NMNAT1: variants seen among roughly 807,000 people sequenced by gnomAD.
NMNAT1 encodes nicotinamide/nicotinic acid mononucleotide adenylyltransferase 1.
A neutral mutation model predicts 16.7 loss-of-function variants in NMNAT1; 11 were observed. That is an observed-to-expected ratio of 0.66 (90% CI 0.41 to 1.09). NMNAT1 has a LOEUF of 1.09. Among genes scored for constraint, NMNAT1 ranks in the 50% least tolerant of loss-of-function variants. The pLI is 0.00. For missense variants in NMNAT1, 280 were observed against 332.3 expected (o/e 0.84, Z 1.22); for synonymous variants, 110 against 119.8 (o/e 0.92, Z 0.53).
At chr1:9,989,043 C>G (rs1196177550), downstream of NMNAT1, among the ~76,000 whole-genome samples, 11 of 152,122 alleles carry the variant, frequency 7.2e-5, no homozygotes. Context: ...CCAATGAGGG[C>G]TCCCCACCTG....
chr1:9,949,273 A>G (rs1641052000), intron 1 of NMNAT1, among the ~76,000 whole-genome samples: 1 of 151,846 alleles, frequency 6.6e-6, no homozygotes, highest in Non-Finnish European at 1.5e-5. Context: ...TCTCAAAAAA[A>G]AAAAAGAGAA....
intron 1 of NMNAT1, among the ~76,000 whole-genome samples, chr1:9,966,348 C>T (rs1641542402): frequency 6.6e-6 from 1 of 152,030 alleles, no homozygotes; most frequent in South Asian, 2.1e-4. Flanking sequence ...CGCGGTGGCT[C>T]ACGCCTGTAA....
chr1:9,963,505 G>A (rs940527709), intron 1 of NMNAT1, among the ~76,000 whole-genome samples: 11 of 151,958 alleles, frequency 7.2e-5, no homozygotes, highest in Non-Finnish European at 1.6e-4. Context: ...CATCTCCCGG[G>A]TTCAAACAAT....
the NMNAT1 span, among the ~76,000 whole-genome samples, chr1:9,993,579 G>C: frequency 6.6e-6 from 1 of 152,154 alleles, no homozygotes; most frequent in African/African-American, 2.4e-5. Flanking sequence ...TGCCGGGGCT[G>C]CGTATGGAGA....
intron 1 of NMNAT1, among the ~76,000 whole-genome samples, chr1:9,956,814 C>T (rs1322829700): frequency 6.6e-6 from 1 of 151,136 alleles, no homozygotes; most frequent in African/African-American, 2.4e-5. Flanking sequence ...TCACTGCAAC[C>T]TCCACCTCCG....
downstream of NMNAT1, among the ~76,000 whole-genome samples, chr1:9,990,271 G>A (rs896394401): frequency 2.0e-5 from 3 of 152,104 alleles, no homozygotes; most frequent in African/African-American, 7.2e-5. Context: ...CTGTCATCGG[G>A]GACCCGGGTT....
chr1:9,980,447 C>T (rs1210077541), intron 3 of NMNAT1, among the ~76,000 whole-genome samples: 5 of 74,474 alleles, frequency 6.7e-5, no homozygotes, highest in African/African-American at 2.2e-4. Context: ...GATGAAACCC[C>T]GTCACTACTA....
intron 1 of NMNAT1, among the ~76,000 whole-genome samples, chr1:9,955,403 CAA>C (rs71583829): frequency 4.4e-5 from 4 of 90,810 alleles, no homozygotes; most frequent in African/African-American, 1.4e-4. Context: ...GACTTTGTCT[CAA>C]AAAAAAAAAA....
At chr1:9,956,192 CAG>C (rs1047400244) in intron 1 of NMNAT1, among the ~76,000 whole-genome samples, 9 of 133,340 alleles carry the variant, frequency 6.7e-5, no homozygotes, top group Middle Eastern at 4.1e-3. Context: ...TTTTTTGAGA[CAG>C]AGTTTTACTT....
intron 2 of NMNAT1, among the ~76,000 whole-genome samples, chr1:9,974,233 G>C (rs962895699): frequency 2.7e-4 from 30 of 109,190 alleles, no homozygotes; most frequent in African/African-American, 1.0e-3. Flanking sequence ...TTTTTTTTTT[G>C]TGGAAATGGT....
At chr1:9,967,429 C>T (rs1464610874) in intron 1 of NMNAT1, 2 of 153,322 alleles carry the variant, frequency 1.3e-5, no homozygotes, top group Admixed American at 1.3e-4. Flanking sequence ...AGAGATCAAC[C>T]CTTTATCATG....
At chr1:9,943,621 G>A (rs1041366721) in intron 1 of NMNAT1, 106 bp downstream of exon 1, 3 of 152,256 alleles carry the variant, frequency 2.0e-5, no homozygotes, top group African/African-American at 7.2e-5. Flanking sequence ...TATGACCCGA[G>A]GCAAGCTCAT....
chr1:9,985,616 A>AGGTG (rs1372031197), downstream of NMNAT1: 1 of 152,188 alleles, frequency 6.6e-6, no homozygotes, highest in African/African-American at 2.4e-5. Context: ...CCGAGGGAGA[A>AGGTG]GGTGATATGG....
At chr1:9,995,407 G>A in the NMNAT1 span, among the ~76,000 whole-genome samples, 1 of 150,612 alleles carries the variant, frequency 6.6e-6, no homozygotes, top group Admixed American at 6.6e-5. Flanking sequence ...TCAAAAAATA[G>A]TCAGTCTGGG....
Position 9,982,521 on chromosome 1 carries a change from C to T in NMNAT1, c.660C>T (p.Asp220=). ...IHVVNEWIAN[D]ISSTKIRRAL... ...TGGTGAATGAATGGATCGCTAATGA[C>T]ATCTCATCCACAAAAATCCGGAGAG... Residue 220 remains aspartate (D), a synonymous_variant, in exon 5 of 5, where the codon GAC becomes GAT. Transcript: ENST00000377205. The T allele has an allele frequency of 6.2e-7, 1 of 1,614,146 alleles. No individual in the cohort carries two copies. The highest frequency in any genetic ancestry group is 8.5e-7 in the Non-Finnish European group (1 of 1,180,030).
the NMNAT1 span, among the ~76,000 whole-genome samples, chr1:9,996,359 G>T: frequency 3.3e-5 from 5 of 150,030 alleles, no homozygotes; most frequent in African/African-American, 1.2e-4. Context: ...TGTCTCAAAA[G>T]AAAAAAAATA....
rs1557476803 is a variant in NMNAT1 at position 9,983,367 on chromosome 1, A to G, written c.*666A>G. 1 of 151,332 alleles carries G rather than the reference A, an allele frequency of 6.6e-6. No homozygotes were observed. The highest frequency in any genetic ancestry group is 2.4e-5 in the African/African-American group (1 of 41,118). 9.4% of individuals were successfully genotyped at this position (151,332 alleles called of 1,614,324 possible). A position where few individuals can be genotyped will look rare whatever the true frequency, so the allele number is the denominator to read the frequency against. On this transcript the variant is annotated 3_prime_UTR_variant, in exon 5 of 5. Coordinates refer to ENST00000377205, the MANE Select transcript of NMNAT1 (RefSeq NM_022787.4). The stretch of plus-strand genomic sequence containing the variant: ...AAAACTCCATCTCAAAGAGAAAAAA[A>G]AAAAAGACCGGGTGTGGTGGCTCAC...
chr1:9,954,224 T>C (rs1478376059), intron 1 of NMNAT1, among the ~76,000 whole-genome samples: 2 of 150,916 alleles, frequency 1.3e-5, no homozygotes, highest in Admixed American at 6.6e-5. Context: ...CTCTGTGTCC[T>C]TTTTTTTTGG....
At chr1:9,953,510 G>A (rs558897117) in intron 1 of NMNAT1, among the ~76,000 whole-genome samples, 4 of 150,074 alleles carry the variant, frequency 2.7e-5, no homozygotes, top group Non-Finnish European at 4.4e-5. Flanking sequence ...GCATGATCTC[G>A]GCTGACTGCA....
Sources: allele counts gnomAD v4.1 joint callset (sites outside exome capture counted in the v4.1 genomes callset), GRCh38; gene constraint gnomAD v4.1.1; transcripts MANE v1.5; gene names NCBI Gene and HGNC (gene_info 2026-07-23, HGNC 2026-07-21).